Variants in RELL1 observed in about 807,000 individuals in gnomAD.
The protein encoded by RELL1 is RELT-like protein 1.
In RELL1, 10 loss-of-function variants were observed where a neutral mutation model predicts 23.0. The observed-to-expected ratio is 0.43, with a 90% CI of 0.27 to 0.74. The LOEUF is 0.74. Among genes scored for constraint, RELL1 ranks in the 30% least tolerant of loss-of-function variants. The pLI is 0.19. For missense variants in RELL1, 315 were observed against 364.4 expected, an observed-to-expected ratio of 0.86 and a Z score of 1.10; for synonymous variants, 146 against 146.8, an observed-to-expected ratio of 0.99 and a Z score of 0.04.
chr4:37,675,346 C>T (rs555889403), intron 1 of RELL1, among the ~76,000 whole-genome samples: 40 of 152,216 alleles, frequency 2.6e-4, no homozygotes, highest in Non-Finnish European at 4.9e-4. Context: ...ACACACCTCA[C>T]GTTGACTTCC....
intron 6 of RELL1, among the ~76,000 whole-genome samples, chr4:37,620,885 C>T (rs1339549214): frequency 6.6e-6 from 1 of 152,156 alleles, no homozygotes; most frequent in African/African-American, 2.4e-5. Context: ...CTATTTTGTA[C>T]TTACTTAGGG....
At chr4:37,615,166 C>A (rs890335090) in intron 6 of RELL1, among the ~76,000 whole-genome samples, 6 of 152,218 alleles carry the variant, frequency 3.9e-5, no homozygotes, top group African/African-American at 1.4e-4. Context: ...TTACCATCAT[C>A]CAATTCTCTG....
chr4:37,649,695 C>T (rs1720832802), intron 1 of RELL1, among the ~76,000 whole-genome samples, 195 bp from the exon 2 acceptor site: 1 of 152,362 alleles, frequency 6.6e-6, no homozygotes, highest in African/African-American at 2.4e-5. Context: ...CTCTGCTACT[C>T]ATGAACCAGG....
chr4:37,598,234 C>A (rs1427484305), intron 6 of RELL1, among the ~76,000 whole-genome samples: 2 of 33,292 alleles, frequency 6.0e-5, no homozygotes, highest in South Asian at 9.0e-4. Flanking sequence ...TTCTGGGAAA[C>A]AAAGTGCAAC....
At chr4:37,605,793 G>GAGAGAGAGAGAAAGAA (rs1269670059), downstream of RELL1, among the ~76,000 whole-genome samples, 402 of 90,382 alleles carry the variant, frequency 4.4e-3, 7 homozygotes, top group East Asian at 0.021. Flanking sequence ...GAGAAAGAAA[G>GAGAGAGAGAGAAAGAA]AGAAAGAAAG....
chr4:37,611,911 C>T lies in RELL1; in HGVS notation c.*1435G>A, dbSNP rs568038808. Among the ~76,000 whole-genome samples the T allele has an allele frequency of 6.6e-6, 1 of 151,780 alleles. No homozygotes were observed. Among genetic ancestry groups the T allele is most frequent in the East Asian group, 1.9e-4 (1 of 5,150 alleles). The stretch of plus-strand genomic sequence containing the variant: ...GGGTTCTAGGCCGGGCGCAGTGGCT[C>T]AAGCCTGTAATCCCAGAACTTTGGG... On this transcript the variant is annotated 3_prime_UTR_variant, in exon 7 of 7. Transcript: ENST00000454158.
chr4:37,607,618 C>A (rs1268229995), downstream of RELL1, among the ~76,000 whole-genome samples: 1 of 146,584 alleles, frequency 6.8e-6, no homozygotes, highest in African/African-American at 2.5e-5. Flanking sequence ...CTTGCTCTGT[C>A]GCCCAGGCAG....
chr4:37,683,627 G>A (rs886138649), intron 1 of RELL1, among the ~76,000 whole-genome samples: 1 of 151,952 alleles, frequency 6.6e-6, no homozygotes, highest in East Asian at 1.9e-4. Context: ...GCATGGTGGC[G>A]GGCGCCTATA....
In RELL1 at chr4:37,631,462, C is replaced by CA; in HGVS notation, c.741dup (p.Val248CysfsTer2). On this transcript the variant is annotated frameshift_variant, in exon 6 of 7. Coordinates refer to ENST00000454158, the MANE Select transcript of RELL1 (RefSeq NM_001085400.2). LOFTEE classifies it high-confidence loss of function. ...CCATTGACGGTTTCAGCCCCACTAA[C>CA]AGACATCAGGCTTCTCCGTTCCTTC... The CA allele has an allele frequency of 6.2e-7, 1 of 1,614,188 alleles. No homozygotes were observed. Among genetic ancestry groups the CA allele is most frequent in the Non-Finnish European group, 8.5e-7 (1 of 1,180,018 alleles).
intron 1 of RELL1, among the ~76,000 whole-genome samples, chr4:37,668,506 C>G (rs372103232): frequency 3.3e-5 from 5 of 151,894 alleles, no homozygotes; most frequent in African/African-American, 9.7e-5. Context: ...ACGGAGTCTC[C>G]TTCACTCAGT....
intron 2 of RELL1, among the ~76,000 whole-genome samples, chr4:37,648,706 C>T (rs930490867): frequency 1.3e-5 from 2 of 152,206 alleles, no homozygotes; most frequent in Admixed American, 1.3e-4. Flanking sequence ...ACTGTGCACA[C>T]GATCGTTTAC....
At chr4:37,635,241 C>T in intron 4 of RELL1, 118 bp from the exon 5 acceptor site, 1 of 775,090 alleles carries the variant, frequency 1.3e-6, no homozygotes, top group Non-Finnish European at 2.1e-6. Flanking sequence ...AAGCGTCTTC[C>T]AATTGTACAA....
chr4:37,598,462 A>G (rs1718935870), intron 6 of RELL1, among the ~76,000 whole-genome samples: 1 of 151,870 alleles, frequency 6.6e-6, no homozygotes, highest in Admixed American at 6.6e-5. Context: ...ATAGCTTAAC[A>G]TTTTCAGTAC....
intron 6 of RELL1, chr4:37,623,206 A>C (rs182833888): frequency 8.9e-6 from 2 of 225,752 alleles, no homozygotes; most frequent in East Asian, 2.9e-4. Flanking sequence ...ACCTGGAAGA[A>C]AACTGAATGG....
chr4:37,646,562 G>C lies in RELL1; in HGVS notation c.385+806C>G, dbSNP rs115033108. The stretch of plus-strand genomic sequence containing the variant: ...TGAATGTGCTTAATCCCACTGAAGG[G>C]TGCACTTTAAAATGGTAACAGTACT... On this transcript the variant is annotated intron_variant, in intron 3 of 6. Coordinates refer to ENST00000454158, the MANE Select transcript of RELL1 (RefSeq NM_001085400.2). Among the ~76,000 whole-genome samples, 495 of 152,192 alleles carry C rather than the reference G, an allele frequency of 3.3e-3. 2 individuals carry two copies. Among genetic ancestry groups the C allele is most frequent in the African/African-American group, 0.012 (478 of 41,512 alleles).
intron 6 of RELL1, among the ~76,000 whole-genome samples, chr4:37,622,389 G>A (rs1719797944): frequency 6.6e-6 from 1 of 152,314 alleles, no homozygotes; most frequent in South Asian, 2.1e-4. Flanking sequence ...TACACGCAAA[G>A]GGATTAGCAG....
intron 6 of RELL1, among the ~76,000 whole-genome samples, chr4:37,615,698 C>T (rs781196710): frequency 7.9e-5 from 12 of 152,146 alleles, no homozygotes; most frequent in African/African-American, 2.2e-4. Context: ...AAAAATTAAG[C>T]GAAGTTCCAT....
chr4:37,634,850 G>GTCA, intron 5 of RELL1, 37 bp downstream of exon 5: 2 of 1,564,646 alleles, frequency 1.3e-6, no homozygotes. Flanking sequence ...GAGCACCCAT[G>GTCA]TCACACACAA....
intron 1 of RELL1, among the ~76,000 whole-genome samples, chr4:37,656,889 C>A (rs147866950): frequency 5.3e-4 from 80 of 152,326 alleles, no homozygotes; most frequent in African/African-American, 1.9e-3. Flanking sequence ...TCCTCCAGAA[C>A]TGTGAGCAAA....
Sources: gnomAD v4.1 joint callset for allele counts (sites outside exome capture counted in the v4.1 genomes callset) on GRCh38, gnomAD v4.1.1 for gene constraint, MANE v1.5 for transcripts, NCBI Gene and HGNC (gene_info 2026-07-23, HGNC 2026-07-21) for gene names.